MADD: variants seen among roughly 807,000 people sequenced by gnomAD.
MADD encodes the protein MAP kinase activating death domain, also known as MAP kinase-activating death domain protein.
A neutral mutation model predicts 176.7 loss-of-function variants in MADD; 109 were observed. The observed-to-expected ratio is 0.62, with a 90% CI of 0.53 to 0.72. MADD has a LOEUF of 0.72. Among genes scored for constraint, MADD ranks in the 30% least tolerant of loss-of-function variants. The pLI, the probability that MADD is intolerant of heterozygous loss-of-function variation, is 0.00. For synonymous variants in MADD, 771 were observed against 771.3 expected (o/e 1.00, Z 0.01); for missense variants, 1,914 against 2,045.5 (o/e 0.94, Z 1.24).
chr11:47,280,862 C>A (rs972724440), intron 7 of MADD, among the ~76,000 whole-genome samples: 2 of 152,224 alleles, frequency 1.3e-5, no homozygotes, highest in Non-Finnish European at 2.9e-5. Flanking sequence ...CCACCGTGCC[C>A]AGCCAGAATT....
At chr11:47,274,082 C>G in intron 2 of MADD, 106 bp downstream of exon 2, 4 of 1,090,728 alleles carry the variant, frequency 3.7e-6, no homozygotes, top group East Asian at 2.5e-5. Flanking sequence ...CTCATCTTCT[C>G]CTGTTATTTT....
At chr11:47,303,607 CTTT>C (rs137937344) in intron 22 of MADD, among the ~76,000 whole-genome samples, 4 of 105,534 alleles carry the variant, frequency 3.8e-5, no homozygotes, top group East Asian at 3.0e-4. Context: ...TTGGAGAGGC[CTTT>C]TTTTTTTTTT....
chr11:47,269,953 C>G (rs1958628869), upstream of MADD: 1 of 152,188 alleles, frequency 6.6e-6, no homozygotes, highest in South Asian at 2.1e-4. Flanking sequence ...GCTGGGTCGG[C>G]CTGGCGCGCC....
At chr11:47,327,925 G>A (rs1363922502) in intron 31 of MADD, 1 of 985,204 alleles carries the variant, frequency 1.0e-6, no homozygotes, top group Non-Finnish European at 1.2e-6. Flanking sequence ...CTGGAGCGGG[G>A]GGACTCTCAC....
At chr11:47,306,261 G>C (rs2082540864) in intron 22 of MADD, among the ~76,000 whole-genome samples, 1 of 152,174 alleles carries the variant, frequency 6.6e-6, no homozygotes, top group African/African-American at 2.4e-5. Context: ...TCACAGCTTG[G>C]CTTAGATTGT....
Position 47,289,381 on chromosome 11 carries a change from C to T in MADD, c.2654-10C>T, listed in dbSNP as rs765054747. The T allele has an allele frequency of 6.2e-7, 1 of 1,607,452 alleles. No individual in the cohort carries two copies. The highest frequency in any genetic ancestry group is 8.5e-7 in the Non-Finnish European group (1 of 1,173,862). On this transcript the variant is annotated splice_polypyrimidine_tract_variant and intron_variant, in intron 15 of 32. Transcript: ENST00000402192. ...AGTGATGTCTCTCATTCCTGCCTTC[C>T]CTGCCACAGGAAACAGGAGGGCGTT...
chr11:47,292,426 G>C, intron 19 of MADD, 117 bp from the exon 21 acceptor site: 1 of 852,400 alleles, frequency 1.2e-6, no homozygotes. Context: ...GTATCTCTTG[G>C]TTGGTAATCC....
At chr11:47,328,266 AG>A in intron 31 of MADD, 1 of 1,132,576 alleles carries the variant, frequency 8.8e-7, no homozygotes, top group Non-Finnish European at 1.1e-6. Context: ...CACAAGCTAG[AG>A]AGAGCTCTCT....
intron 5 of MADD, among the ~76,000 whole-genome samples, chr11:47,277,814 G>A (rs2051836232): frequency 6.6e-6 from 1 of 152,174 alleles, no homozygotes; most frequent in Admixed American, 6.5e-5. Flanking sequence ...ATTTCATCAT[G>A]CTTCTCAGAA....
intron 31 of MADD, 66 bp from the exon 36 acceptor site, chr11:47,328,592 G>A: frequency 6.2e-7 from 1 of 1,610,142 alleles, no homozygotes; most frequent in African/African-American, 1.3e-5. Flanking sequence ...TGCCGCCTGG[G>A]GGAGCATGGC....
intron 19 of MADD, among the ~76,000 whole-genome samples, chr11:47,293,018 GCTTT>G (rs1307478327): frequency 6.6e-6 from 1 of 152,026 alleles, no homozygotes; most frequent in East Asian, 1.9e-4. Context: ...ACGCTTTCTT[GCTTT>G]CTGTCATTCT....
At chr11:47,275,786 A>G in intron 3 of MADD, 113 bp from the exon 4 acceptor site, 4 of 1,055,782 alleles carry the variant, frequency 3.8e-6, no homozygotes, top group Non-Finnish European at 5.6e-6. Context: ...GGGCTTTCTT[A>G]ATGATGCTCC....
chr11:47,284,082 C>T (rs921073312), intron 10 of MADD, 96 bp from the exon 11 acceptor site: 16 of 825,260 alleles, frequency 1.9e-5, no homozygotes, highest in Non-Finnish European at 2.9e-5. Flanking sequence ...GCCTTGAGTT[C>T]GGAGTGCTCC....
intron 27 of MADD, among the ~76,000 whole-genome samples, chr11:47,323,416 TAATA>T (rs1009465010): frequency 6.8e-6 from 1 of 148,136 alleles, no homozygotes; most frequent in Non-Finnish European, 1.5e-5. Flanking sequence ...AAAAAAGAGG[TAATA>T]AATAACTGAT....
chr11:47,284,326 G>GGGCC, intron 11 of MADD, 45 bp downstream of exon 11: 1 of 1,613,194 alleles, frequency 6.2e-7, no homozygotes. Context: ...CAGGGGTTGG[G>GGGCC]GGCCCAAGGA....
intron 27 of MADD, among the ~76,000 whole-genome samples, chr11:47,320,069 C>CTTT (rs551543837): frequency 1.5e-5 from 2 of 133,746 alleles, no homozygotes; most frequent in African/African-American, 5.4e-5. Flanking sequence ...CTTTCCGTGT[C>CTTT]TTTTTTTTTT....
intron 27 of MADD, among the ~76,000 whole-genome samples, chr11:47,323,265 A>G (rs1054806231): frequency 2.6e-5 from 4 of 151,480 alleles, no homozygotes; most frequent in Non-Finnish European, 5.9e-5. Context: ...ATTATAGCCA[A>G]TGTGATGGTG....
Position 47,295,504 on chromosome 11 carries a change from T to A in MADD, c.3411T>A (p.Asp1137Glu). The change falls in exon 21 of 33, where the codon GAT becomes GAA. Residue 1137 changes from aspartate (D) to glutamate (E), a missense_variant. This residue lies in a region of MADD where 1,767 missense variants were observed against 1,836.0 expected (regional missense o/e 0.96). Transcript: ENST00000402192. ...CCTGTGTCTTGTTTCAGAGGACTGA[T>A]CAAGACTCTGTCATCGGCGTGAGTC... 1 of 1,613,818 alleles carries A rather than the reference T, an allele frequency of 6.2e-7. No homozygotes were observed. Among genetic ancestry groups the A allele is most frequent in the Non-Finnish European group, 8.5e-7 (1 of 1,179,762 alleles).
intron 25 of MADD, among the ~76,000 whole-genome samples, chr11:47,310,856 G>A (rs578087326): frequency 4.2e-4 from 61 of 146,718 alleles, no homozygotes; most frequent in Admixed American, 1.4e-3. Context: ...GCAGTGAGCC[G>A]AGATTCCACC....
Sources: gnomAD v4.1 joint callset for allele counts (sites outside exome capture counted in the v4.1 genomes callset) on GRCh38, gnomAD v4.1.1 for gene constraint, gnomAD v4.1.1 regional missense constraint, MANE v1.5 for transcripts, NCBI Gene and HGNC (gene_info 2026-07-23, HGNC 2026-07-21) for gene names.